PLCB1: variants seen among roughly 807,000 people sequenced by gnomAD.
The protein encoded by PLCB1 is 1-phosphatidylinositol 4,5-bisphosphate phosphodiesterase beta-1.
In PLCB1, 46 loss-of-function variants were observed where a neutral mutation model predicts 161.8. The observed-to-expected ratio is 0.28, with a 90% CI of 0.22 to 0.36. PLCB1 has a LOEUF of 0.36. Ranked by LOEUF, PLCB1 falls within the 10% of genes least tolerant of loss-of-function variation. The pLI is 1.00. For missense variants in PLCB1, 1,016 were observed against 1,472.5 expected (o/e 0.69, Z 5.07); for synonymous variants, 517 against 503.7 (o/e 1.03, Z -0.35).
intron 3 of PLCB1, among the ~76,000 whole-genome samples, chr20:8,592,031 C>T (rs752687326): frequency 2.6e-4 from 40 of 152,062 alleles, no homozygotes; most frequent in Non-Finnish European, 5.3e-4. Context: ...TCCATATACA[C>T]CTTATACATG....
chr20:8,469,035 T>C (rs1981937303), intron 3 of PLCB1, among the ~76,000 whole-genome samples: 1 of 152,148 alleles, frequency 6.6e-6, no homozygotes, highest in African/African-American at 2.4e-5. Flanking sequence ...GGTCCTGAGA[T>C]TGCTGCATTT....
intron 9 of PLCB1, among the ~76,000 whole-genome samples, chr20:8,668,070 G>A (rs1989857173): frequency 1.3e-5 from 2 of 151,956 alleles, no homozygotes; most frequent in South Asian, 2.1e-4. Context: ...TCCTAACTTC[G>A]GCATTATCCA....
At chr20:8,800,675 G>A (rs914081381) in intron 31 of PLCB1, among the ~76,000 whole-genome samples, 1 of 152,088 alleles carries the variant, frequency 6.6e-6, no homozygotes, top group Non-Finnish European at 1.5e-5. Flanking sequence ...GGCTGAGAAA[G>A]ATTTGTTTCC....
intron 31 of PLCB1, among the ~76,000 whole-genome samples, chr20:8,839,602 G>A (rs1296607294): frequency 2.0e-5 from 3 of 152,080 alleles, no homozygotes; most frequent in Non-Finnish European, 4.4e-5. Flanking sequence ...GTGAAGAAAC[G>A]GAAACCTCAA....
intron 11 of PLCB1, among the ~76,000 whole-genome samples, chr20:8,702,314 C>T (rs755099932): frequency 3.3e-5 from 5 of 152,134 alleles, no homozygotes; most frequent in Non-Finnish European, 7.4e-5. Context: ...CACCCAATAT[C>T]CTTTCTCCTT....
intron 3 of PLCB1, among the ~76,000 whole-genome samples, chr20:8,584,549 C>G (rs1457084559): frequency 6.6e-6 from 1 of 151,572 alleles, no homozygotes; most frequent in Non-Finnish European, 1.5e-5. Flanking sequence ...TTTCTAGTGC[C>G]CCAGCAACCC....
chr20:8,538,518 A>T (rs1340778844), intron 3 of PLCB1, among the ~76,000 whole-genome samples: 2 of 152,068 alleles, frequency 1.3e-5, no homozygotes, highest in Non-Finnish European at 1.5e-5. Context: ...GCTAATTTTT[A>T]AAAAATGTTT....
intron 26 of PLCB1, 42 bp downstream of exon 26, chr20:8,765,400 G>GAGTT (rs1200120873): frequency 2.1e-6 from 3 of 1,411,990 alleles, no homozygotes; most frequent in Non-Finnish European, 3.0e-6. Flanking sequence ...ATAGCATGAA[G>GAGTT]AGTTGTTAAC....
At chr20:8,419,900 T>C (rs993150688) in intron 3 of PLCB1, among the ~76,000 whole-genome samples, 2 of 152,254 alleles carry the variant, frequency 1.3e-5, no homozygotes, top group Admixed American at 6.5e-5. Context: ...CTTAATGTTG[T>C]GGTGGGTTTG....
rs376412796 is a variant in PLCB1 at position 8,761,976 on chromosome 20, A to AG, written c.2710+1524dup. On this transcript the variant is annotated intron_variant, in intron 25 of 31. Coordinates refer to ENST00000338037, the MANE Select transcript of PLCB1 (RefSeq NM_015192.4). Reference sequence around the variant, plus strand: ...GTAATCCCAGTACCTGGGGAGGCCAAGGGGGGGGCGGATCACCTGAGGTCG... The same window carrying AG: ...GTAATCCCAGTACCTGGGGAGGCCAAGGGGGGGGGCGGATCACCTGAGGTCG... Among the ~76,000 whole-genome samples, 211 of 146,492 alleles carry AG rather than the reference A, an allele frequency of 1.4e-3. 1 individual carries two copies. Among genetic ancestry groups the AG allele is most frequent in the East Asian group, 0.011 (52 of 4,646 alleles).
At chr20:8,766,451 G>C (rs1568590787) in intron 26 of PLCB1, among the ~76,000 whole-genome samples, 1 of 152,138 alleles carries the variant, frequency 6.6e-6, no homozygotes, top group African/African-American at 2.4e-5. Flanking sequence ...CAAGTGCAAA[G>C]GCCCTCAGGC....
Position 8,881,824 on chromosome 20 carries a change from G to A in PLCB1, c.3626G>A (p.Gly1209Glu), listed in dbSNP as rs779064619. 3 of 1,613,564 alleles carry A rather than the reference G, an allele frequency of 1.9e-6. No homozygotes were observed. The Admixed American group carries it at 5.0e-5, about 27-fold the overall frequency. ...GAGGAGCTGGGAGGAGACATCCCAG[G>A]AAAAGAATTTGATACTCCTCTGTGA... ...SSEELGGDIP[G>E]KEFDTPL The change falls in exon 32 of 32, where the codon GGA becomes GAA. Residue 1209 changes from glycine to glutamate, a missense_variant. Transcript: ENST00000338037.
intron 2 of PLCB1, among the ~76,000 whole-genome samples, chr20:8,267,379 C>A (rs1009192370): frequency 1.3e-5 from 2 of 152,132 alleles, no homozygotes; most frequent in African/African-American, 4.8e-5. Context: ...GCAAACATCC[C>A]AACCAGTTTT....
At chr20:8,453,189 C>A (rs1157075303) in intron 3 of PLCB1, among the ~76,000 whole-genome samples, 1 of 152,220 alleles carries the variant, frequency 6.6e-6, no homozygotes, top group Admixed American at 6.5e-5. Flanking sequence ...AGGCAAGAGG[C>A]CCCCGGCCAT....
Position 8,717,829 on chromosome 20 carries a change from G to T in PLCB1, c.1494G>T (p.Glu498Asp). The part of the protein sequence containing the change: ...NTYSDSSSMF[E>D]PSSPGAGEAD... Reference sequence around the variant, plus strand: ...ACAGTGACTCCTCCAGCATGTTCGAGCCCTCATCCCCAGGAGCCGGTGAGG... The same window carrying T: ...ACAGTGACTCCTCCAGCATGTTCGATCCCTCATCCCCAGGAGCCGGTGAGG... The change falls in exon 14 of 32, where the codon GAG becomes GAT. Residue 498 changes from glutamate to aspartate, a missense_variant. Glu to Asp is a conservative substitution (Grantham distance 45, BLOSUM62 2). Transcript: ENST00000338037. 1 of 1,607,608 alleles carries T rather than the reference G, an allele frequency of 6.2e-7. No homozygotes were observed. Among genetic ancestry groups the T allele is most frequent in the Non-Finnish European group, 8.5e-7 (1 of 1,178,414 alleles).
chr20:8,793,262 C>T (rs759528046), intron 31 of PLCB1, among the ~76,000 whole-genome samples: 1 of 152,030 alleles, frequency 6.6e-6, no homozygotes, highest in African/African-American at 2.4e-5. Flanking sequence ...GGATGAGGAA[C>T]GTGAGCTGAC....
At chr20:8,592,950 GGC>G (rs1987196582) in intron 3 of PLCB1, among the ~76,000 whole-genome samples, 6 of 152,094 alleles carry the variant, frequency 3.9e-5, no homozygotes, top group Non-Finnish European at 8.8e-5. Context: ...CGGAAACCCA[GGC>G]TGCACCCAGT....
intron 2 of PLCB1, among the ~76,000 whole-genome samples, chr20:8,330,585 G>A (rs567848950): frequency 6.6e-6 from 1 of 152,224 alleles, no homozygotes; most frequent in Non-Finnish European, 1.5e-5. Context: ...TCTGATGAAT[G>A]CATGTCAGGC....
At chr20:8,424,296 A>G (rs562667438) in intron 3 of PLCB1, among the ~76,000 whole-genome samples, 1 of 152,358 alleles carries the variant, frequency 6.6e-6, no homozygotes, top group African/African-American at 2.4e-5. Flanking sequence ...ATAGGACGGG[A>G]ATCCAGATGT....
Sources: allele counts gnomAD v4.1 joint callset (sites outside exome capture counted in the v4.1 genomes callset), GRCh38; gene constraint gnomAD v4.1.1; transcripts MANE v1.5; gene names NCBI Gene and HGNC (gene_info 2026-07-23, HGNC 2026-07-21).